FAT3: variants seen among roughly 807,000 people sequenced by gnomAD.
The protein encoded by FAT3 is protocadherin Fat 3.
In FAT3, 95 loss-of-function variants were observed where a neutral mutation model predicts 310.2. That is an observed-to-expected ratio of 0.31 (90% confidence interval 0.26 to 0.36). The LOEUF (loss-of-function observed/expected upper bound fraction) is 0.36. Among genes scored for constraint, FAT3 ranks in the 10% least tolerant of loss-of-function variants. FAT3 has a pLI of 1.00. For missense variants in FAT3, 5,408 were observed against 5,715.6 expected, an observed-to-expected ratio of 0.95 and a Z score of 1.74; for synonymous variants, 2,314 against 2,192.9, an observed-to-expected ratio of 1.06 and a Z score of -1.54.
chr11:92,264,211 T>C (rs188552069), intron 1 of FAT3, among the ~76,000 whole-genome samples: 23 of 152,256 alleles, frequency 1.5e-4, no homozygotes, highest in African/African-American at 5.3e-4. Flanking sequence ...ACATTTTCCT[T>C]GTCTCATGAC....
chr11:92,538,623 C>T (rs1047554715), intron 3 of FAT3, among the ~76,000 whole-genome samples: 68 of 152,212 alleles, frequency 4.5e-4, no homozygotes, highest in African/African-American at 1.5e-3. Context: ...ACTACATACT[C>T]ATGTTTTGTG....
Position 92,837,674 on chromosome 11 carries a change from C to T in FAT3, c.10236C>T (p.Tyr3412=), listed in dbSNP as rs1472854794. The change falls in exon 17 of 28, where the codon TAC becomes TAT. Residue 3412 remains tyrosine, a synonymous_variant. Coordinates refer to ENST00000525166, the MANE Select transcript of FAT3 (RefSeq NM_001367949.2). ...KKLDRERVSG[Y]SLLVQAVDSG... ...TTGTACCTTGGCAGGTGTCTGGATACTCTCTGCTTGTCCAGGCCGTAGACA... is the reference window on the plus strand; with the variant it reads ...TTGTACCTTGGCAGGTGTCTGGATATTCTCTGCTTGTCCAGGCCGTAGACA... 6.2e-7 allele frequency: 1 copy of T among 1,613,892 alleles called. No individual in the cohort carries two copies. Among genetic ancestry groups the T allele is most frequent in the East Asian group, 2.2e-5 (1 of 44,856 alleles).
At chr11:92,338,561 G>A (rs1260036668) in intron 1 of FAT3, among the ~76,000 whole-genome samples, 1 of 152,082 alleles carries the variant, frequency 6.6e-6, no homozygotes, top group Non-Finnish European at 1.5e-5. Flanking sequence ...GAGGCCACTC[G>A]AAGGCCTGGG....
intron 13 of FAT3, among the ~76,000 whole-genome samples, chr11:92,818,295 C>CA (rs528926288): frequency 1.9e-3 from 265 of 139,774 alleles, no homozygotes; most frequent in East Asian, 6.6e-3. Flanking sequence ...GCCTCAAAAG[C>CA]AAAAAAAAAA....
Position 92,353,905 on chromosome 11 carries a change from C to T in FAT3, c.1793C>T (p.Thr598Ile), listed in dbSNP as rs776403254. Residue 598 changes from threonine (T) to isoleucine (I), a missense_variant, in exon 2 of 28, where the codon ACA (threonine) becomes ATA (isoleucine). By Grantham distance (89) the Thr-to-Ile change is moderately conservative (BLOSUM62 -1). Coordinates refer to ENST00000525166, the MANE Select transcript of FAT3 (RefSeq NM_001367949.2). ...SYDFPVGGHI[T>I]AVSAIDIDEL... ...GACTTTCCAGTTGGTGGTCACATCA[C>T]AGCAGTCTCAGCGATCGATATCGAT... 5 of 1,612,508 alleles carry T rather than the reference C, an allele frequency of 3.1e-6. No individual in the cohort carries two copies. The African/African-American group carries it at 6.7e-5, about 22-fold the overall frequency.
chr11:92,691,964 T>C (rs1169952080), intron 3 of FAT3, among the ~76,000 whole-genome samples: 1 of 152,180 alleles, frequency 6.6e-6, no homozygotes, highest in Non-Finnish European at 1.5e-5. Flanking sequence ...CTGGCACATA[T>C]TCAGTACTCA....
At chr11:92,249,932 C>T (rs957824700) in intron 1 of FAT3, among the ~76,000 whole-genome samples, 12 of 152,078 alleles carry the variant, frequency 7.9e-5, no homozygotes, top group Admixed American at 7.9e-4. Flanking sequence ...ATCTATAATT[C>T]TGGTGCAAGA....
In FAT3 at chr11:92,798,247, A is replaced by G. The variant is rs1282448441; in HGVS notation, c.5234A>G (p.Asn1745Ser). The G allele has an allele frequency of 1.2e-6, 2 of 1,613,942 alleles. No individual in the cohort carries two copies. Among genetic ancestry groups the G allele is most frequent in the South Asian group, 1.1e-5 (1 of 91,078 alleles). ...SSYQLIIQATNMAGMASNATV... is the reference protein window; with the variant it reads ...SSYQLIIQATSMAGMASNATV... The stretch of plus-strand genomic sequence containing the variant: ...TATCAACTCATCATTCAGGCCACCA[A>G]TATGGCAGGAATGGCTTCCAATGCT... The change falls in exon 10 of 28, where the codon AAT becomes AGT. Residue 1745 changes from asparagine (N) to serine (S), a missense_variant. By Grantham distance (46) the Asn-to-Ser change is conservative. Coordinates refer to ENST00000525166, the MANE Select transcript of FAT3 (RefSeq NM_001367949.2).
At chr11:92,301,911 C>T (rs762595625) in intron 1 of FAT3, among the ~76,000 whole-genome samples, 11 of 151,980 alleles carry the variant, frequency 7.2e-5, no homozygotes, top group Admixed American at 5.2e-4. Context: ...CTGAATCATT[C>T]GGTATACAAC....
At chr11:92,512,545 TTA>T (rs576524592) in intron 2 of FAT3, among the ~76,000 whole-genome samples, 200 of 147,092 alleles carry the variant, frequency 1.4e-3, no homozygotes, top group African/African-American at 4.6e-3. Flanking sequence ...TATTTTAAAT[TTA>T]TATATATAAA....
chr11:92,665,286 G>C (rs1342237523), intron 3 of FAT3, among the ~76,000 whole-genome samples: 1 of 152,086 alleles, frequency 6.6e-6, no homozygotes, highest in Non-Finnish European at 1.5e-5. Context: ...AGAGACGAAC[G>C]GTTGACCAGA....
chr11:92,730,114 G>A (rs748516887), intron 4 of FAT3, among the ~76,000 whole-genome samples: 70 of 152,258 alleles, frequency 4.6e-4, no homozygotes, highest in Non-Finnish European at 7.6e-4. Flanking sequence ...GGCCGAGGTG[G>A]GAGAATCACT....
chr11:92,816,235 T>C (rs1044104444), intron 13 of FAT3, among the ~76,000 whole-genome samples: 3 of 152,152 alleles, frequency 2.0e-5, no homozygotes, highest in African/African-American at 7.2e-5. Context: ...TTGTAGGAAG[T>C]CTGAGTGGCT....
intron 6 of FAT3, among the ~76,000 whole-genome samples, chr11:92,772,200 G>A (rs1273271047): frequency 6.6e-6 from 1 of 152,156 alleles, no homozygotes; most frequent in African/African-American, 2.4e-5. Context: ...CATTCTAAAT[G>A]TGATTTAAAA....
chr11:92,625,151 G>T (rs1026427789), intron 3 of FAT3, among the ~76,000 whole-genome samples: 1 of 152,140 alleles, frequency 6.6e-6, no homozygotes, highest in Non-Finnish European at 1.5e-5. Context: ...GGATGCTGGG[G>T]CAAGAGGATG....
chr11:92,659,480 T>C (rs546563622), intron 3 of FAT3, among the ~76,000 whole-genome samples: 1 of 152,330 alleles, frequency 6.6e-6, no homozygotes, highest in South Asian at 2.1e-4. Flanking sequence ...CAAATAAGGA[T>C]TCTACTTCCA....
intron 2 of FAT3, among the ~76,000 whole-genome samples, chr11:92,473,236 G>T (rs1052516750): frequency 2.6e-5 from 4 of 152,000 alleles, no homozygotes; most frequent in African/African-American, 9.7e-5. Flanking sequence ...CTTAATTGGC[G>T]CAGTACTTAC....
At chr11:92,813,498 C>T (rs1360951270) in intron 13 of FAT3, among the ~76,000 whole-genome samples, 2 of 152,172 alleles carry the variant, frequency 1.3e-5, no homozygotes, top group African/African-American at 4.8e-5. Flanking sequence ...ACCTGTGCAG[C>T]TTCATTTAAG....
intron 13 of FAT3, among the ~76,000 whole-genome samples, chr11:92,819,843 A>G (rs1382679264): frequency 6.6e-6 from 1 of 152,186 alleles, no homozygotes; most frequent in Admixed American, 6.5e-5. Flanking sequence ...TACCACAGTG[A>G]CTTGTTGCCT....
Sources: allele counts gnomAD v4.1 joint callset (sites outside exome capture counted in the v4.1 genomes callset), GRCh38; gene constraint gnomAD v4.1.1; transcripts MANE v1.5; gene names NCBI Gene and HGNC (gene_info 2026-07-23, HGNC 2026-07-21).